MYT1L: variants seen among roughly 807,000 people sequenced by gnomAD.
The protein encoded by MYT1L is myelin transcription factor 1-like protein.
In MYT1L, 12 loss-of-function variants were observed where a neutral mutation model predicts 126.7. The ratio of observed to expected loss-of-function variants is 0.09; its 90% CI spans 0.06 to 0.15. MYT1L has a LOEUF of 0.15. Among genes scored for constraint, MYT1L ranks in the 10% least tolerant of loss-of-function variants. The probability of loss-of-function intolerance (pLI) is 1.00; values close to 1 mark genes in which losing one functional copy is unlikely to be tolerated. For synonymous variants in MYT1L, 541 were observed against 604.2 expected (o/e 0.90, Z 1.53); for missense variants, 979 against 1,585.2 (o/e 0.62, Z 6.49).
chr2:2,303,575 A>G (rs1160038551), intron 1 of MYT1L: 1 of 152,314 alleles, frequency 6.6e-6, no homozygotes, highest in African/African-American at 2.4e-5. Context: ...TATTTTAGCC[A>G]CAGGAGTGCA....
intron 8 of MYT1L, among the ~76,000 whole-genome samples, chr2:1,967,982 C>T (rs1411306727): frequency 6.6e-6 from 1 of 152,156 alleles, no homozygotes; most frequent in East Asian, 1.9e-4. Context: ...CTCACTGCAC[C>T]CCAGGAGGGG....
chr2:1,962,594 G>A (rs1342636449), intron 8 of MYT1L, among the ~76,000 whole-genome samples: 1 of 152,138 alleles, frequency 6.6e-6, no homozygotes, highest in Non-Finnish European at 1.5e-5. Context: ...TGTAGCACAT[G>A]GTGCTATTTG....
At chr2:1,977,673 T>C (rs1394274471) in intron 8 of MYT1L, among the ~76,000 whole-genome samples, 1 of 152,202 alleles carries the variant, frequency 6.6e-6, no homozygotes, top group Non-Finnish European at 1.5e-5. Context: ...TATGTACACA[T>C]AAAAATTAGA....
intron 1 of MYT1L, among the ~76,000 whole-genome samples, chr2:2,323,375 G>A (rs1235092534): frequency 2.0e-5 from 3 of 152,002 alleles, no homozygotes; most frequent in Non-Finnish European, 4.4e-5. Context: ...AAATATTCAG[G>A]AATCTATAAA....
At chr2:1,802,672 A>G (rs1572371969) in intron 22 of MYT1L, among the ~76,000 whole-genome samples, 1 of 152,148 alleles carries the variant, frequency 6.6e-6, no homozygotes, top group Admixed American at 6.5e-5. Flanking sequence ...TACAAAGGCC[A>G]TTCTGGACAC....
intron 20 of MYT1L, among the ~76,000 whole-genome samples, chr2:1,840,397 T>C (rs539079566): frequency 6.6e-6 from 1 of 152,266 alleles, no homozygotes; most frequent in Admixed American, 6.5e-5. Flanking sequence ...CAGTGAAACA[T>C]CCGCTTGTGA....
At chr2:2,152,695 T>A (rs1157122652) in intron 3 of MYT1L, among the ~76,000 whole-genome samples, 1 of 152,218 alleles carries the variant, frequency 6.6e-6, no homozygotes, top group African/African-American at 2.4e-5. Context: ...CTGATAATCA[T>A]AGCCCTTGGA....
intron 4 of MYT1L, among the ~76,000 whole-genome samples, chr2:2,004,947 C>T (rs1269330505): frequency 9.3e-5 from 14 of 151,306 alleles, no homozygotes; most frequent in African/African-American, 2.7e-4. Flanking sequence ...TGCATGCGTT[C>T]TTTCCTGCAT....
intron 4 of MYT1L, among the ~76,000 whole-genome samples, chr2:2,030,341 C>A (rs1375109351): frequency 2.0e-5 from 3 of 152,196 alleles, no homozygotes; most frequent in African/African-American, 7.2e-5. Flanking sequence ...TCATGATCCA[C>A]CCGCCTCAGC....
At chr2:2,315,324 G>C (rs1354923531) in intron 1 of MYT1L, among the ~76,000 whole-genome samples, 1 of 130,688 alleles carries the variant, frequency 7.7e-6, no homozygotes, top group East Asian at 2.0e-4. Flanking sequence ...ATTGTCGGCA[G>C]CCAAAGTAAG....
At chr2:1,930,117 C>G (rs1235941157) in intron 9 of MYT1L, among the ~76,000 whole-genome samples, 1 of 152,190 alleles carries the variant, frequency 6.6e-6, no homozygotes, top group African/African-American at 2.4e-5. Flanking sequence ...TCCTCAGACC[C>G]CTAATTTGAG....
intron 1 of MYT1L, among the ~76,000 whole-genome samples, chr2:2,289,822 A>G (rs2095572886): frequency 6.6e-6 from 1 of 152,192 alleles, no homozygotes; most frequent in Non-Finnish European, 1.5e-5. Context: ...TGTGGATCCA[A>G]TTAATAGCCA....
chr2:2,210,752 A>G (rs937674687), intron 2 of MYT1L, among the ~76,000 whole-genome samples: 4 of 152,096 alleles, frequency 2.6e-5, no homozygotes, highest in Admixed American at 2.0e-4. Flanking sequence ...TATTTTTTCT[A>G]TTTATGTGAA....
chr2:2,190,047 T>C (rs2092491589), intron 2 of MYT1L, among the ~76,000 whole-genome samples: 1 of 152,194 alleles, frequency 6.6e-6, no homozygotes, highest in African/African-American at 2.4e-5. Context: ...AACACCTCAG[T>C]GTTTCTCCTC....
chr2:1,861,518 T>G (rs915675802), intron 18 of MYT1L, among the ~76,000 whole-genome samples: 7 of 149,392 alleles, frequency 4.7e-5, no homozygotes, highest in Non-Finnish European at 8.9e-5. Context: ...TTTTTTTTTG[T>G]AGCCCTTAAC....
chr2:2,137,831 T>C (rs1333541662), intron 3 of MYT1L, among the ~76,000 whole-genome samples: 2 of 152,120 alleles, frequency 1.3e-5, no homozygotes, highest in Non-Finnish European at 2.9e-5. Context: ...AAGCCACAAT[T>C]GACAAATGGG....
At chr2:2,049,329 A>G (rs1393137555) in intron 4 of MYT1L, among the ~76,000 whole-genome samples, 1 of 152,226 alleles carries the variant, frequency 6.6e-6, no homozygotes, top group East Asian at 1.9e-4. Flanking sequence ...CAAGTGATAT[A>G]TATTATACAC....
At chr2:2,139,703 CGCA>C (rs1302486057) in intron 3 of MYT1L, among the ~76,000 whole-genome samples, 1 of 151,894 alleles carries the variant, frequency 6.6e-6, no homozygotes, top group African/African-American at 2.4e-5. Flanking sequence ...GGGAGACGTC[CGCA>C]CTGCACAAGA....
chr2:2,234,516 A>G (rs900256003), intron 2 of MYT1L, among the ~76,000 whole-genome samples: 1 of 152,212 alleles, frequency 6.6e-6, no homozygotes, highest in African/African-American at 2.4e-5. Flanking sequence ...TGCTTGAGCC[A>G]AGAAGGTTAC....
Sources: gnomAD v4.1 joint callset for allele counts (sites outside exome capture counted in the v4.1 genomes callset) on GRCh38, gnomAD v4.1.1 for gene constraint, MANE v1.5 for transcripts, NCBI Gene and HGNC (gene_info 2026-07-23, HGNC 2026-07-21) for gene names.